Variants in BCKDHB observed in about 807,000 individuals in gnomAD.
BCKDHB encodes branched chain keto acid dehydrogenase E1 subunit beta, also known as 2-oxoisovalerate dehydrogenase subunit beta, mitochondrial.
A neutral mutation model predicts 48.5 loss-of-function variants in BCKDHB; 41 were observed. The ratio of observed to expected loss-of-function variants is 0.85; its 90% CI spans 0.66 to 1.10. The LOEUF is 1.10. BCKDHB is among the 50% of genes least tolerant of loss of function. The pLI is 0.00. For synonymous variants in BCKDHB, 201 were observed against 174.8 expected, an observed-to-expected ratio of 1.15 and a Z score of -1.18; for missense variants, 496 against 494.2, an observed-to-expected ratio of 1.00 and a Z score of -0.03.
chr6:80,243,162 G>A (rs139144913), intron 8 of BCKDHB, among the ~76,000 whole-genome samples: 2 of 152,276 alleles, frequency 1.3e-5, no homozygotes, highest in African/African-American at 4.8e-5. Context: ...GTAAAAGGGA[G>A]TACCACCTGG....
intron 3 of BCKDHB, 78 bp from the exon 4 acceptor site, chr6:80,167,600 T>G (rs762688386): frequency 4.3e-6 from 6 of 1,393,618 alleles, no homozygotes; most frequent in Non-Finnish European, 6.1e-6. Flanking sequence ...CATTATTAGT[T>G]TACTGAATTT....
intron 1 of BCKDHB, among the ~76,000 whole-genome samples, chr6:80,123,524 GAC>G (rs912060034): frequency 2.0e-5 from 3 of 152,142 alleles, no homozygotes; most frequent in Non-Finnish European, 2.9e-5. Context: ...TCTGGTCCTG[GAC>G]TTTTTTTGGT....
chr6:80,235,660 C>G (rs966517183), intron 8 of BCKDHB, among the ~76,000 whole-genome samples: 12 of 152,176 alleles, frequency 7.9e-5, no homozygotes, highest in African/African-American at 2.9e-4. Flanking sequence ...GCCAGTGGCA[C>G]TTAGGTTCTA....
At chr6:80,119,612 C>T (rs961090152) in intron 1 of BCKDHB, among the ~76,000 whole-genome samples, 7 of 152,188 alleles carry the variant, frequency 4.6e-5, no homozygotes, top group Non-Finnish European at 7.3e-5. Context: ...TGTGAGCCAT[C>T]ACGCCTGGCC....
intron 8 of BCKDHB, among the ~76,000 whole-genome samples, chr6:80,209,058 A>G (rs1258336967): frequency 1.3e-5 from 2 of 151,952 alleles, no homozygotes; most frequent in Non-Finnish European, 2.9e-5. Context: ...GAAAACAGGA[A>G]GAAAAACCTG....
chr6:80,329,622 C>G lies in BCKDHB; in HGVS notation c.1039-14042C>G, dbSNP rs554666149. On this transcript the variant is annotated intron_variant, in intron 9 of 9. Coordinates refer to ENST00000320393, the MANE Select transcript of BCKDHB (RefSeq NM_183050.4). ...CCCACTTTGGGTGTCTCCCCCTCCT[C>G]CCTGTGCTGGTGCTGCCCTTTCATA... Among the ~76,000 whole-genome samples, 23 of 152,286 alleles carry G rather than the reference C, an allele frequency of 1.5e-4. No individual in the cohort carries two copies. In the South Asian group the frequency reaches 4.6e-3, roughly 30 times the overall value.
rs1766583942 is a variant in BCKDHB, at chr6:80,285,504, A to G, written c.1038+12283A>G. On this transcript the variant is annotated intron_variant, in intron 9 of 9. Coordinates refer to ENST00000320393, the MANE Select transcript of BCKDHB (RefSeq NM_183050.4). Reference sequence around the variant, plus strand: ...AGTAGCATGGGTAAATCCTTCTGGTAGTAAGCATGGATACTCTTATATCTG... The same window carrying G: ...AGTAGCATGGGTAAATCCTTCTGGTGGTAAGCATGGATACTCTTATATCTG... Among the ~76,000 whole-genome samples the G allele has an allele frequency of 2.8e-5, 3 of 106,850 alleles. 1 individual carries two copies. The highest frequency in any genetic ancestry group is 0.01 in the Middle Eastern group (2 of 198). The allele number at this position is 106,850 out of a possible 152,430, so 70.1% of individuals were successfully genotyped here. A position where few individuals can be genotyped will look rare whatever the true frequency, so the allele number is the denominator to read the frequency against.
chr6:80,169,749 G>T (rs988228330), intron 5 of BCKDHB: 1 of 1,501,578 alleles, frequency 6.7e-7, no homozygotes, highest in Admixed American at 1.9e-5. Context: ...TTGACCACAT[G>T]AATTGATTGT....
chr6:80,404,066 T>C, the BCKDHB span, among the ~76,000 whole-genome samples: 1 of 152,006 alleles, frequency 6.6e-6, no homozygotes, highest in East Asian at 1.9e-4. Flanking sequence ...TATCTGGGTT[T>C]GGTATCAGGG....
intron 8 of BCKDHB, among the ~76,000 whole-genome samples, chr6:80,265,601 G>C (rs921126532): frequency 6.6e-6 from 1 of 152,060 alleles, no homozygotes; most frequent in Non-Finnish European, 1.5e-5. Flanking sequence ...AGGGAAGATA[G>C]ATAAGGACTA....
At chr6:80,427,062 A>G in the BCKDHB span, among the ~76,000 whole-genome samples, 1 of 152,092 alleles carries the variant, frequency 6.6e-6, no homozygotes, top group Non-Finnish European at 1.5e-5. Flanking sequence ...CTCTAGATGA[A>G]TAAATACCTT....
chr6:80,177,783 T>G lies in BCKDHB; in HGVS notation c.742+6393T>G, dbSNP rs1375897219. On this transcript the variant is annotated intron_variant, in intron 6 of 9. Coordinates refer to ENST00000320393, the MANE Select transcript of BCKDHB (RefSeq NM_183050.4). ...CTAAAATAAAGTAGGTAAAGGATACTAGGTAAAGGGTTCCTTAGGAAGCTA... is the reference window on the plus strand; with the variant it reads ...CTAAAATAAAGTAGGTAAAGGATACGAGGTAAAGGGTTCCTTAGGAAGCTA... 2.0e-5 allele frequency among the ~76,000 whole-genome samples: 3 copies of G among 152,184 alleles called. No individual in the cohort carries two copies. In the South Asian group the frequency reaches 6.2e-4, roughly 32 times the overall value.
the BCKDHB span, among the ~76,000 whole-genome samples, chr6:80,452,193 G>A: frequency 6.6e-6 from 1 of 152,186 alleles, no homozygotes; most frequent in Non-Finnish European, 1.5e-5. Context: ...CATCACATCT[G>A]CCCATGTTCC....
rs75447908 is a variant in BCKDHB, at chr6:80,308,293, T to A, written c.1038+35072T>A. On this transcript the variant is annotated intron_variant, in intron 9 of 9. Coordinates refer to ENST00000320393, the MANE Select transcript of BCKDHB (RefSeq NM_183050.4). ...ATATTCTTAACTTGTTCAAAAGTCG[T>A]GTTTAATGGCCATAAGGTATTCCAT... 9.3e-3 allele frequency among the ~76,000 whole-genome samples: 1,414 copies of A among 152,254 alleles called. 29 individuals carry two copies. Among genetic ancestry groups the A allele is most frequent in the African/African-American group, 0.032 (1,345 of 41,560 alleles).
the BCKDHB span, among the ~76,000 whole-genome samples, chr6:80,357,376 T>C: frequency 3.9e-5 from 6 of 151,964 alleles, no homozygotes; most frequent in Non-Finnish European, 8.8e-5. Flanking sequence ...GGGGAGTATA[T>C]CCTAGTCTCT....
At chr6:80,368,895 C>T in the BCKDHB span, among the ~76,000 whole-genome samples, 1 of 151,954 alleles carries the variant, frequency 6.6e-6, no homozygotes, top group African/African-American at 2.4e-5. Context: ...TGCCTGTAGT[C>T]CCAGCTACTT....
At chr6:80,119,299 A>C (rs1769879349) in intron 1 of BCKDHB, among the ~76,000 whole-genome samples, 1 of 152,112 alleles carries the variant, frequency 6.6e-6, no homozygotes, top group Non-Finnish European at 1.5e-5. Flanking sequence ...ATTTATTTCA[A>C]ACTCCTATAA....
chr6:80,439,009 C>T, the BCKDHB span, among the ~76,000 whole-genome samples: 1 of 152,186 alleles, frequency 6.6e-6, no homozygotes, highest in Non-Finnish European at 1.5e-5. Context: ...GAGATAGATT[C>T]CTGCAACCTA....
At chr6:80,297,717 TA>T (rs1203406537) in intron 9 of BCKDHB, among the ~76,000 whole-genome samples, 1 of 152,194 alleles carries the variant, frequency 6.6e-6, no homozygotes, top group African/African-American at 2.4e-5. Context: ...CCATAACTTG[TA>T]GGTGGCCAAG....
Sources: allele counts gnomAD v4.1 joint callset (sites outside exome capture counted in the v4.1 genomes callset), GRCh38; gene constraint gnomAD v4.1.1; transcripts MANE v1.5; gene names NCBI Gene and HGNC (gene_info 2026-07-23, HGNC 2026-07-21).